AKAP12: variants seen among roughly 807,000 people sequenced by gnomAD.
AKAP12 encodes A-kinase anchoring protein 12.
In AKAP12, 32 loss-of-function variants were observed where a neutral mutation model predicts 79.9. The ratio of observed to expected loss-of-function variants is 0.40; its 90% CI spans 0.30 to 0.54. The LOEUF (loss-of-function observed/expected upper bound fraction) is 0.54. AKAP12 is among the 20% of genes least tolerant of loss of function. AKAP12 has a pLI of 0.48. For synonymous variants in AKAP12, 808 were observed against 857.0 expected (o/e 0.94, Z 1.00); for missense variants, 2,074 against 2,177.0 (o/e 0.95, Z 0.94).
intron 2 of AKAP12, among the ~76,000 whole-genome samples, chr6:151,300,655 T>A (rs894603597): frequency 6.6e-6 from 1 of 152,082 alleles, no homozygotes; most frequent in East Asian, 1.9e-4. Flanking sequence ...TGGACATTCT[T>A]GGTTGTTGTT....
chr6:151,292,909 G>GT (rs1245684079), intron 2 of AKAP12, among the ~76,000 whole-genome samples: 1 of 152,196 alleles, frequency 6.6e-6, no homozygotes, highest in Non-Finnish European at 1.5e-5. Flanking sequence ...GTTGTGTAGT[G>GT]TTTAGCCACT....
rs1319804284 is a variant in AKAP12, at chr6:151,345,957, GAGAGAGAA to G, written c.320-2751_320-2744del. On this transcript the variant is annotated intron_variant, in intron 3 of 4. Coordinates refer to ENST00000402676, the MANE Select transcript of AKAP12 (RefSeq NM_005100.4). ...TGAGAGAGAGAGAGAGAGAGAGAGAGAGAGAGAAAGGAGAGACAGTTGTTTTTAAGCCA... is the reference window on the plus strand; with the variant it reads ...TGAGAGAGAGAGAGAGAGAGAGAGAGAGGAGAGACAGTTGTTTTTAAGCCA... Among the ~76,000 whole-genome samples, 396 of 149,928 alleles carry G rather than the reference GAGAGAGAA, an allele frequency of 2.6e-3. 2 individuals carry two copies. Among genetic ancestry groups the G allele is most frequent in the Non-Finnish European group, 4.2e-3 (286 of 67,582 alleles).
At position 151,349,710 on chromosome 6, in the gene AKAP12, G is replaced by A; in HGVS notation, c.1319G>A (p.Gly440Glu). 1 of 1,614,078 alleles carries A rather than the reference G, an allele frequency of 6.2e-7. No individual in the cohort carries two copies. The highest frequency in any genetic ancestry group is 1.1e-5 in the South Asian group (1 of 91,064). ...AAAACGGAGGTGGAAGAAACAGCAG[G>A]GTCTGTGCCAGCTGAAGAATTGGTT... ...EQKTEVEETAGSVPAEELVEM... is the reference protein window; with the variant it reads ...EQKTEVEETAESVPAEELVEM... Residue 440 changes from glycine (G) to glutamate (E), a missense_variant, in exon 4 of 5, where the codon GGG becomes GAG. By Grantham distance (98) the Gly-to-Glu change is moderately conservative. This residue lies in a region of AKAP12 where 1,428 missense variants were observed against 1,451.0 expected (regional missense o/e 0.98). Coordinates refer to ENST00000402676, the MANE Select transcript of AKAP12 (RefSeq NM_005100.4).
At chr6:151,293,323 G>A (rs1776657848) in intron 2 of AKAP12, among the ~76,000 whole-genome samples, 1 of 152,244 alleles carries the variant, frequency 6.6e-6, no homozygotes, top group African/African-American at 2.4e-5. Context: ...AACCTACTAT[G>A]AATTTGCTGG....
chr6:151,254,756 G>T (rs926161372), intron 2 of AKAP12, among the ~76,000 whole-genome samples: 1 of 152,162 alleles, frequency 6.6e-6, no homozygotes, highest in African/African-American at 2.4e-5. Context: ...TTGAATTTTT[G>T]TCCTAAACTG....
rs576819589 is a variant in AKAP12, at chr6:151,248,846, G to A, written c.162+8122G>A. ...CTATTAAAAATACAAAAATTAGCCAGTATGGTGGTGTGTACCTGTAATCCC... is the reference window on the plus strand; with the variant it reads ...CTATTAAAAATACAAAAATTAGCCAATATGGTGGTGTGTACCTGTAATCCC... On this transcript the variant is annotated intron_variant, in intron 2 of 4. Transcript: ENST00000402676. 7.9e-5 allele frequency among the ~76,000 whole-genome samples: 12 copies of A among 152,120 alleles called. No individual in the cohort carries two copies. The South Asian group carries it at 2.3e-3, about 29-fold the overall frequency.
chr6:151,334,358 C>T (rs1293311597), intron 3 of AKAP12, among the ~76,000 whole-genome samples: 6 of 152,050 alleles, frequency 3.9e-5, no homozygotes, highest in Non-Finnish European at 8.8e-5. Flanking sequence ...CTTTCAGAGG[C>T]CGAGGCAGGT....
chr6:151,325,569 T>C, intron 3 of AKAP12: 2 of 1,300,124 alleles, frequency 1.5e-6, no homozygotes, highest in East Asian at 3.4e-5. Flanking sequence ...CCCGAAGTCC[T>C]GGAGCTCAGC....
intron 3 of AKAP12, among the ~76,000 whole-genome samples, chr6:151,308,161 C>T (rs978741382): frequency 7.2e-5 from 11 of 151,908 alleles, no homozygotes; most frequent in South Asian, 2.1e-4. Context: ...AGGTGTGAGC[C>T]GCCACGCCCA....
rs985145814 is a variant in AKAP12, at chr6:151,262,709, T to C, written c.162+21985T>C. 3.2e-4 allele frequency among the ~76,000 whole-genome samples: 48 copies of C among 152,190 alleles called. 1 individual carries two copies. The highest frequency in any genetic ancestry group is 1.1e-3 in the African/African-American group (45 of 41,450). ...ACTAAAGTTTAGAAGATCTTTGTTT[T>C]TCTTCTTCCCTCCCCACCCCCAAAA... On this transcript the variant is annotated intron_variant, in intron 2 of 4. Transcript: ENST00000402676.
rs1778429650 is a variant in AKAP12 at position 151,355,960 on chromosome 6, A to G, written c.*246A>G. On this transcript the variant is annotated 3_prime_UTR_variant, in exon 5 of 5. Coordinates refer to ENST00000402676, the MANE Select transcript of AKAP12 (RefSeq NM_005100.4). Reference sequence around the variant, plus strand: ...AACCTACAATTTTCCCTTGATAACCATATAAATTCTGATTTAAGGTCCTAA... The same window carrying G: ...AACCTACAATTTTCCCTTGATAACCGTATAAATTCTGATTTAAGGTCCTAA... The G allele has an allele frequency of 6.6e-6, 1 of 152,606 alleles. No homozygotes were observed. Among genetic ancestry groups the G allele is most frequent in the African/African-American group, 2.4e-5 (1 of 41,452 alleles). 9.5% of individuals were successfully genotyped at this position (152,606 alleles called of 1,614,324 possible). A position where few individuals can be genotyped will look rare whatever the true frequency, so the allele number is the denominator to read the frequency against.
chr6:151,257,572 T>C (rs1437661717), intron 2 of AKAP12, among the ~76,000 whole-genome samples: 1 of 152,164 alleles, frequency 6.6e-6, no homozygotes, highest in Non-Finnish European at 1.5e-5. Flanking sequence ...GCTGAGATTA[T>C]AGGCGTGAGC....
chr6:151,351,199 A>G lies in AKAP12; in HGVS notation c.2808A>G (p.Val936=). ...EAEAALLTEE[V]LEREVIAEEE... Reference sequence around the variant, plus strand: ...AAGCCGCACTGTTAACTGAGGAGGTATTGGAAAGAGAAGTAATTGCAGAAG... The same window carrying G: ...AAGCCGCACTGTTAACTGAGGAGGTGTTGGAAAGAGAAGTAATTGCAGAAG... The change falls in exon 4 of 5, where the codon GTA becomes GTG. Residue 936 remains valine (V), a synonymous_variant. Coordinates refer to ENST00000402676, the MANE Select transcript of AKAP12 (RefSeq NM_005100.4). The surrounding 1 kb of genome is among the most constrained non-coding windows in gnomAD (Gnocchi z 4.4). 6.2e-7 allele frequency: 1 copy of G among 1,614,226 alleles called. No individual in the cohort carries two copies. The highest frequency in any genetic ancestry group is 1.1e-5 in the South Asian group (1 of 91,084).
chr6:151,325,720 A>G (rs1582882723), intron 3 of AKAP12: 1 of 1,505,932 alleles, frequency 6.6e-7, no homozygotes, highest in East Asian at 2.4e-5. Flanking sequence ...GTTCTCCCCC[A>G]TCCTCCGGGA....
chr6:151,241,778 G>C (rs533632851), intron 2 of AKAP12, among the ~76,000 whole-genome samples: 16 of 150,426 alleles, frequency 1.1e-4, no homozygotes, highest in Non-Finnish European at 2.1e-4. Context: ...TCAAATTTGA[G>C]GATAGAGTAC....
At chr6:151,331,571 C>G (rs991691614) in intron 3 of AKAP12, among the ~76,000 whole-genome samples, 2 of 152,148 alleles carry the variant, frequency 1.3e-5, no homozygotes, top group Non-Finnish European at 2.9e-5. Flanking sequence ...CCATATCCAG[C>G]CTTTATTTTT....
Position 151,240,416 on chromosome 6 carries a change from AGGCTGGGCGCGTTCGCAGTC to A in AKAP12, c.-140_-121del. 1.2e-6 allele frequency: 1 copy of A among 814,794 alleles called. No homozygotes were observed. Among genetic ancestry groups the A allele is most frequent in the Non-Finnish European group, 1.7e-6 (1 of 601,076 alleles). 50.5% of individuals were successfully genotyped at this position (814,794 alleles called of 1,614,324 possible). A position where few individuals can be genotyped will look rare whatever the true frequency, so the allele number is the denominator to read the frequency against. ...CCGCGAGCGCGTCTCCTTCATTCGC[AGGCTGGGCGCGTTCGCAGTC>A]GGCTGGCGGCGAAGGAAGGCGCTCT... On this transcript the variant is annotated 5_prime_UTR_variant, in exon 2 of 5. Coordinates refer to ENST00000402676, the MANE Select transcript of AKAP12 (RefSeq NM_005100.4).
At chr6:151,288,512 A>AAAAG (rs377434314) in intron 2 of AKAP12, among the ~76,000 whole-genome samples, 6 of 152,214 alleles carry the variant, frequency 3.9e-5, no homozygotes, top group African/African-American at 7.2e-5. Context: ...ACATCGTCTC[A>AAAAG]AAAGAAAGAA....
intron 3 of AKAP12, among the ~76,000 whole-genome samples, chr6:151,321,539 T>C (rs1306124802): frequency 1.3e-5 from 2 of 152,196 alleles, no homozygotes; most frequent in Non-Finnish European, 2.9e-5. Context: ...TTTTTATTAC[T>C]AACCCATTTC....
Sources: gnomAD v4.1 joint callset for allele counts (sites outside exome capture counted in the v4.1 genomes callset) on GRCh38, gnomAD v4.1.1 for gene constraint, gnomAD v4.1.1 regional missense constraint, Gnocchi (gnomAD v3.1) non-coding constraint, MANE v1.5 for transcripts, NCBI Gene and HGNC (gene_info 2026-07-23, HGNC 2026-07-21) for gene names.